Variants in PDE4D observed in about 807,000 individuals in gnomAD.
PDE4D encodes phosphodiesterase 4D.
PDE4D carries 24 observed loss-of-function variants against 87.4 expected under a neutral mutation model. That is an observed-to-expected ratio of 0.27 (90% CI 0.20 to 0.39). The LOEUF (loss-of-function observed/expected upper bound fraction) is 0.39. Ranked by LOEUF, PDE4D falls within the 10% of genes least tolerant of loss-of-function variation. The pLI, the probability that PDE4D is intolerant of heterozygous loss-of-function variation, is 1.00. For synonymous variants in PDE4D, 384 were observed against 383.2 expected, an observed-to-expected ratio of 1.00 and a Z score of -0.02; for missense variants, 714 against 1,041.0, an observed-to-expected ratio of 0.69 and a Z score of 4.32.
intron 1 of PDE4D, among the ~76,000 whole-genome samples, chr5:59,802,915 A>T (rs1236885578): frequency 6.6e-6 from 1 of 152,162 alleles, no homozygotes; most frequent in East Asian, 1.9e-4. Flanking sequence ...GCTGATAAAT[A>T]GTTGGGGCCA....
chr5:59,442,245 T>C (rs562421646), intron 1 of PDE4D, among the ~76,000 whole-genome samples: 33 of 152,322 alleles, frequency 2.2e-4, no homozygotes, highest in Non-Finnish European at 4.7e-4. Flanking sequence ...GACTTTGTAA[T>C]ATAGAAAACC....
At chr5:59,444,827 C>G (rs1798125127) in intron 1 of PDE4D, among the ~76,000 whole-genome samples, 1 of 152,036 alleles carries the variant, frequency 6.6e-6, no homozygotes, top group Admixed American at 6.6e-5. Context: ...AACAAACAAA[C>G]AAACAAAAAT....
At chr5:60,094,696 T>C (rs1163677020) in intron 2 of PDE4D, among the ~76,000 whole-genome samples, 1 of 148,888 alleles carries the variant, frequency 6.7e-6, no homozygotes, top group Non-Finnish European at 1.5e-5. Flanking sequence ...AAGTTGTCTA[T>C]CTACAGGCCA....
chr5:60,207,980 C>T (rs530436761), intron 1 of PDE4D, among the ~76,000 whole-genome samples: 8 of 152,148 alleles, frequency 5.3e-5, no homozygotes, highest in Non-Finnish European at 1.2e-4. Flanking sequence ...ATAAATGTAT[C>T]GGGCTTCTAA....
At chr5:58,982,382 T>C (rs1745391093) in intron 11 of PDE4D, among the ~76,000 whole-genome samples, 1 of 152,112 alleles carries the variant, frequency 6.6e-6, no homozygotes. Context: ...ATTCAGGATG[T>C]TAGGGAATAT....
intron 1 of PDE4D, among the ~76,000 whole-genome samples, chr5:59,353,524 G>C (rs139755309): frequency 1.8e-4 from 27 of 152,220 alleles, no homozygotes; most frequent in African/African-American, 5.8e-4. Context: ...AACCTAGGCA[G>C]ATAAATCAGC....
intron 1 of PDE4D, among the ~76,000 whole-genome samples, chr5:60,248,369 G>A (rs974995352): frequency 2.6e-5 from 4 of 152,054 alleles, no homozygotes; most frequent in Admixed American, 2.6e-4. Context: ...GGACAGAGAA[G>A]GTCAGGGCCA....
chr5:59,387,264 AT>A (rs1787264153), intron 1 of PDE4D, among the ~76,000 whole-genome samples: 1 of 152,172 alleles, frequency 6.6e-6, no homozygotes, highest in Non-Finnish European at 1.5e-5. Flanking sequence ...GCTTCCAGTA[AT>A]ATATCAGTTT....
rs73758874 is a variant in PDE4D, at chr5:59,736,982, A to T, written c.455+156186T>A. 6.3e-3 allele frequency among the ~76,000 whole-genome samples: 955 copies of T among 152,330 alleles called. 5 individuals carry two copies. The highest frequency in any genetic ancestry group is 0.022 in the African/African-American group (923 of 41,590). On this transcript the variant is annotated intron_variant, in intron 1 of 14. Coordinates refer to ENST00000340635, the MANE Select transcript of PDE4D (RefSeq NM_001104631.2). ...GAAAATTACCTGTTAACAAATATTT[A>T]AAAATAATATGTGCATAATATAATA...
intron 1 of PDE4D, among the ~76,000 whole-genome samples, chr5:60,365,769 C>T (rs1211068809): frequency 2.6e-5 from 4 of 152,120 alleles, no homozygotes; most frequent in Non-Finnish European, 2.9e-5. Flanking sequence ...TTCGGCCAGG[C>T]GTGGTGGCTC....
At chr5:59,417,026 G>A (rs911078657) in intron 1 of PDE4D, among the ~76,000 whole-genome samples, 9 of 151,924 alleles carry the variant, frequency 5.9e-5, no homozygotes, top group Non-Finnish European at 8.8e-5. Flanking sequence ...CCCACTTTTC[G>A]AAATATTGTG....
In PDE4D at chr5:60,103,901, A is replaced by T. The variant is rs1291209383; in HGVS notation, c.42+81656T>A. On this transcript the variant is annotated intron_variant, in intron 2 of 16. Coordinates refer to the PDE4D transcript ENST00000502484. ...AGAGACAAGATGGACAAATAGGAACAGCTCCAGTCTACAGCTCCCAGCATG... is the reference window on the plus strand; with the variant it reads ...AGAGACAAGATGGACAAATAGGAACTGCTCCAGTCTACAGCTCCCAGCATG... Among the ~76,000 whole-genome samples, 3 of 152,226 alleles carry T rather than the reference A, an allele frequency of 2.0e-5. No homozygotes were observed. The East Asian group carries it at 5.8e-4, about 29-fold the overall frequency.
chr5:58,995,381 C>T (rs12657171), intron 6 of PDE4D, among the ~76,000 whole-genome samples: 9,765 of 152,120 alleles, frequency 0.064, 430 homozygotes, highest in Admixed American at 0.13. Context: ...TAGGTTACTG[C>T]TTGTGTTCAC....
At chr5:59,507,123 G>A (rs1212187989) in intron 1 of PDE4D, among the ~76,000 whole-genome samples, 2 of 152,148 alleles carry the variant, frequency 1.3e-5, no homozygotes, top group African/African-American at 2.4e-5. Context: ...TTTGAGATGA[G>A]GAGTTCGTGA....
At chr5:59,257,382 A>T (rs1344965300) in intron 1 of PDE4D, among the ~76,000 whole-genome samples, 2 of 151,930 alleles carry the variant, frequency 1.3e-5, no homozygotes, top group Non-Finnish European at 2.9e-5. Context: ...CTGGCCTTTG[A>T]TATGTGTGGC....
intron 5 of PDE4D, among the ~76,000 whole-genome samples, chr5:59,134,843 G>A (rs1477773032): frequency 6.6e-6 from 1 of 152,062 alleles, no homozygotes; most frequent in Non-Finnish European, 1.5e-5. Context: ...TTTCCTCATG[G>A]CTCCAAATGT....
intron 1 of PDE4D, among the ~76,000 whole-genome samples, chr5:59,651,258 C>T (rs962929823): frequency 1.8e-4 from 26 of 142,258 alleles, no homozygotes; most frequent in Middle Eastern, 3.6e-3. Flanking sequence ...TCTGTCTCAA[C>T]AATAATAATA....
chr5:59,734,123 G>A (rs1407635956), intron 1 of PDE4D, among the ~76,000 whole-genome samples: 2 of 151,822 alleles, frequency 1.3e-5, no homozygotes, highest in South Asian at 2.1e-4. Context: ...CAGATTACAC[G>A]CACACCCAAA....
At chr5:59,601,205 G>A (rs542718490) in intron 1 of PDE4D, among the ~76,000 whole-genome samples, 11 of 152,192 alleles carry the variant, frequency 7.2e-5, no homozygotes, top group Admixed American at 6.5e-4. Context: ...AATTTGTAAC[G>A]TACCAGATGG....
Sources: gnomAD v4.1 joint callset for allele counts (sites outside exome capture counted in the v4.1 genomes callset) on GRCh38, gnomAD v4.1.1 for gene constraint, MANE v1.5 for transcripts, NCBI Gene and HGNC (gene_info 2026-07-23, HGNC 2026-07-21) for gene names.